PHACTR3: variants seen among roughly 807,000 people sequenced by gnomAD.
PHACTR3 encodes the protein protein phosphatase 1, regulatory subunit 123.
In PHACTR3, 16 loss-of-function variants were observed where a neutral mutation model predicts 66.8. That is an observed-to-expected ratio of 0.24 (90% CI 0.16 to 0.36). PHACTR3 has a LOEUF of 0.36. PHACTR3 is among the 10% of genes least tolerant of loss of function. The probability of loss-of-function intolerance (pLI) is 1.00; values close to 1 mark genes in which losing one functional copy is unlikely to be tolerated. For synonymous variants in PHACTR3, 323 were observed against 292.1 expected (o/e 1.11, Z -1.08); for missense variants, 647 against 719.9 (o/e 0.90, Z 1.16).
intron 4 of PHACTR3, among the ~76,000 whole-genome samples, chr20:59,759,982 G>C (rs901165267): frequency 6.6e-6 from 1 of 152,116 alleles, no homozygotes; most frequent in Non-Finnish European, 1.5e-5. Context: ...GGAGCCCCTG[G>C]GGTGTCTGCA....
chr20:59,646,670 C>T (rs2035290583), intron 1 of PHACTR3, among the ~76,000 whole-genome samples: 1 of 152,158 alleles, frequency 6.6e-6, no homozygotes, highest in Middle Eastern at 3.2e-3. Context: ...ACTACCAGTC[C>T]AGGCCTGGAG....
chr20:59,808,594 G>T (rs1326104186), intron 8 of PHACTR3, among the ~76,000 whole-genome samples: 1 of 152,210 alleles, frequency 6.6e-6, no homozygotes, highest in Non-Finnish European at 1.5e-5. Flanking sequence ...GTGCCCCAGG[G>T]GTGAGGGGAA....
intron 1 of PHACTR3, among the ~76,000 whole-genome samples, chr20:59,723,060 C>T (rs868838634): frequency 8.8e-4 from 104 of 118,766 alleles, no homozygotes; most frequent in Middle Eastern, 4.0e-3. Context: ...TTCTTTCTTT[C>T]TCTTTCTTTC....
chr20:59,783,421 C>T (rs2146931105), intron 7 of PHACTR3, among the ~76,000 whole-genome samples: 1 of 143,844 alleles, frequency 7.0e-6, no homozygotes, highest in East Asian at 2.1e-4. Flanking sequence ...AACAGGGCTG[C>T]CCCCCGCCCC....
At chr20:59,832,310 T>C (rs1219099498) in intron 8 of PHACTR3, among the ~76,000 whole-genome samples, 1 of 152,254 alleles carries the variant, frequency 6.6e-6, no homozygotes, top group Non-Finnish European at 1.5e-5. Context: ...GCCCCAACTC[T>C]GCATGAAGAG....
At chr20:59,597,932 A>G (rs553220859) in intron 1 of PHACTR3, among the ~76,000 whole-genome samples, 3 of 152,228 alleles carry the variant, frequency 2.0e-5, no homozygotes, top group African/African-American at 7.2e-5. Context: ...TCTATCAGCA[A>G]TCTTTCCCAG....
chr20:59,745,371 G>T (rs549668995), intron 2 of PHACTR3, among the ~76,000 whole-genome samples: 1 of 152,250 alleles, frequency 6.6e-6, no homozygotes, highest in African/African-American at 2.4e-5. Context: ...TGGGCTCTTT[G>T]GCCTACTCCA....
At chr20:59,681,442 G>A (rs766526443) in intron 1 of PHACTR3, among the ~76,000 whole-genome samples, 1 of 152,098 alleles carries the variant, frequency 6.6e-6, no homozygotes, top group Non-Finnish European at 1.5e-5. Flanking sequence ...CCACCCCAGG[G>A]TCTCTAGAGG....
intron 5 of PHACTR3, among the ~76,000 whole-genome samples, chr20:59,770,352 T>A (rs2040319161): frequency 6.6e-6 from 1 of 152,200 alleles, no homozygotes; most frequent in Admixed American, 6.5e-5. Flanking sequence ...TCAGTTCCTC[T>A]TTTTCCTTTT....
At chr20:59,782,148 G>T (rs6027097) in intron 7 of PHACTR3, among the ~76,000 whole-genome samples, 148,513 of 152,320 alleles carry the variant, frequency 0.98, 72,432 homozygotes, top group East Asian at 1. Flanking sequence ...GGAGTTGAAA[G>T]GTGTATTAGT....
intron 11 of PHACTR3, among the ~76,000 whole-genome samples, chr20:59,842,126 G>A (rs1397080324): frequency 2.6e-5 from 4 of 152,268 alleles, no homozygotes; most frequent in Admixed American, 2.6e-4. Flanking sequence ...AGAACACAAG[G>A]AGGTAGTAGG....
intron 7 of PHACTR3, among the ~76,000 whole-genome samples, chr20:59,785,864 T>TCTGCATCCCCTTCC (rs1409836878): frequency 3.4e-5 from 5 of 148,882 alleles, no homozygotes; most frequent in African/African-American, 1.3e-4. Flanking sequence ...ATCCCCTGCT[T>TCTGCATCCCCTTCC]CTGCATCCCC....
intron 1 of PHACTR3, among the ~76,000 whole-genome samples, chr20:59,593,791 T>C (rs912563189): frequency 1.3e-5 from 2 of 152,250 alleles, no homozygotes; most frequent in African/African-American, 4.8e-5. Context: ...TTGGATCCTT[T>C]GTCAAAAATC....
intron 7 of PHACTR3, among the ~76,000 whole-genome samples, chr20:59,792,709 G>A (rs2041139503): frequency 6.6e-6 from 1 of 152,020 alleles, no homozygotes; most frequent in Non-Finnish European, 1.5e-5. Context: ...CCATATCTTT[G>A]TTGGGAAAAT....
chr20:59,809,457 T>G (rs1213532323), intron 8 of PHACTR3, among the ~76,000 whole-genome samples: 1 of 152,250 alleles, frequency 6.6e-6, no homozygotes, highest in Non-Finnish European at 1.5e-5. Context: ...AGCATTATTT[T>G]CAGCGTTTAT....
chr20:59,778,599 C>G (rs2040617501), intron 7 of PHACTR3, among the ~76,000 whole-genome samples: 1 of 152,246 alleles, frequency 6.6e-6, no homozygotes, highest in Admixed American at 6.5e-5. Flanking sequence ...CATGCAGCCT[C>G]TCTACCAGCA....
rs149501707 is a variant in PHACTR3, at chr20:59,668,450, C to T, written c.118+63318C>T. Among the ~76,000 whole-genome samples, 9 of 152,280 alleles carry T rather than the reference C, an allele frequency of 5.9e-5. No homozygotes were observed. The East Asian group carries it at 1.5e-3, about 26-fold the overall frequency. On this transcript the variant is annotated intron_variant, in intron 1 of 12. Transcript: ENST00000371015. ...TTCCTCCTGCAACAGTGAGCTGCCTCGTTTGGGTCATTGGCCTTTCTCACA... is the reference window on the plus strand; with the variant it reads ...TTCCTCCTGCAACAGTGAGCTGCCTTGTTTGGGTCATTGGCCTTTCTCACA...
chr20:59,593,854 G>C (rs2033254382), intron 1 of PHACTR3, among the ~76,000 whole-genome samples: 1 of 152,160 alleles, frequency 6.6e-6, no homozygotes, highest in African/African-American at 2.4e-5. Flanking sequence ...CAATTCCACT[G>C]ATTTATTTGG....
At chr20:59,711,115 T>C (rs1286658989) in intron 1 of PHACTR3, among the ~76,000 whole-genome samples, 2 of 152,176 alleles carry the variant, frequency 1.3e-5, no homozygotes, top group Non-Finnish European at 2.9e-5. Context: ...CAATTTTAAA[T>C]ATAGCATGTG....
Sources: allele counts gnomAD v4.1 joint callset (sites outside exome capture counted in the v4.1 genomes callset), GRCh38; gene constraint gnomAD v4.1.1; transcripts MANE v1.5; gene names NCBI Gene and HGNC (gene_info 2026-07-23, HGNC 2026-07-21).